TPD52: variants seen among roughly 807,000 people sequenced by gnomAD.
TPD52 encodes tumor protein D52.
In TPD52, 17 loss-of-function variants were observed where a neutral mutation model predicts 31.3. The ratio of observed to expected loss-of-function variants is 0.54; its 90% CI spans 0.37 to 0.82. TPD52 has a LOEUF of 0.82. Among genes scored for constraint, TPD52 ranks in the 40% least tolerant of loss-of-function variants. TPD52 has a pLI of 0.00. For missense variants in TPD52, 212 were observed against 240.1 expected (o/e 0.88, Z 0.77); for synonymous variants, 83 against 89.6 (o/e 0.93, Z 0.42).
At chr8:80,086,829 G>A (rs1210801754) in intron 1 of TPD52, among the ~76,000 whole-genome samples, 7 of 133,008 alleles carry the variant, frequency 5.3e-5, no homozygotes, top group African/African-American at 2.0e-4. Context: ...AGCTGAGATC[G>A]TGCCACTGCA....
intron 1 of TPD52, among the ~76,000 whole-genome samples, chr8:80,071,802 C>A (rs896284211): frequency 6.6e-6 from 1 of 152,164 alleles, no homozygotes; most frequent in African/African-American, 2.4e-5. Context: ...CCTGCCCCAA[C>A]AAAGAGCTTT....
intron 1 of TPD52, among the ~76,000 whole-genome samples, chr8:80,088,062 C>G (rs1368336361): frequency 1.3e-5 from 2 of 152,172 alleles, no homozygotes; most frequent in African/African-American, 4.8e-5. Context: ...TCCTGTAAAC[C>G]TGTCTTTGGG....
chr8:80,152,780 C>CAAAAAAAAAAAA (rs57456374), intron 1 of TPD52, among the ~76,000 whole-genome samples: 6,134 of 82,860 alleles, frequency 0.074, 867 homozygotes, highest in South Asian at 0.12. Flanking sequence ...GACTCCGTCT[C>CAAAAAAAAAAAA]AAAAAAAAAA....
intron 1 of TPD52, chr8:80,080,746 G>C: frequency 9.2e-7 from 1 of 1,082,478 alleles, no homozygotes; most frequent in Non-Finnish European, 1.1e-6. Flanking sequence ...TGGGCAGGGA[G>C]CGAGCTTTCC....
intron 1 of TPD52, among the ~76,000 whole-genome samples, chr8:80,106,617 A>G (rs1220183184): frequency 3.3e-5 from 5 of 151,470 alleles, no homozygotes; most frequent in Admixed American, 6.6e-5. Flanking sequence ...CGGCCTCCCA[A>G]AGTGCTGGGA....
chr8:80,049,711 G>A (rs1811179245), intron 5 of TPD52, among the ~76,000 whole-genome samples: 2 of 152,108 alleles, frequency 1.3e-5, no homozygotes, highest in Admixed American at 1.3e-4. Context: ...AGTCTGCCTG[G>A]GAAAGAGAAA....
At chr8:80,142,435 G>T (rs1809897797) in intron 1 of TPD52, among the ~76,000 whole-genome samples, 1 of 152,168 alleles carries the variant, frequency 6.6e-6, no homozygotes, top group African/African-American at 2.4e-5. Flanking sequence ...AATAAAGCAG[G>T]TCAGCAAAAA....
At chr8:80,095,041 A>G (rs917684542) in intron 1 of TPD52, among the ~76,000 whole-genome samples, 1 of 152,192 alleles carries the variant, frequency 6.6e-6, no homozygotes, top group African/African-American at 2.4e-5. Context: ...AAATGAGCTG[A>G]AAACTTATGA....
At chr8:80,069,826 T>C (rs1813571079) in intron 1 of TPD52, among the ~76,000 whole-genome samples, 1 of 152,048 alleles carries the variant, frequency 6.6e-6, no homozygotes, top group East Asian at 1.9e-4. Context: ...GAAGACAAAG[T>C]GGAAATGTGT....
intron 1 of TPD52, among the ~76,000 whole-genome samples, chr8:80,084,460 G>A (rs1172143520): frequency 6.6e-6 from 1 of 152,222 alleles, no homozygotes; most frequent in African/African-American, 2.4e-5. Context: ...GGTGGGGCTG[G>A]CAGCTCCTTC....
chr8:80,055,454 A>C (rs996643359), intron 2 of TPD52, among the ~76,000 whole-genome samples: 1 of 152,224 alleles, frequency 6.6e-6, no homozygotes, highest in African/African-American at 2.4e-5. Flanking sequence ...AAAACCATAA[A>C]ACTACTAGAA....
intron 1 of TPD52, among the ~76,000 whole-genome samples, chr8:80,090,358 C>T (rs1270415251): frequency 6.6e-6 from 1 of 152,130 alleles, no homozygotes; most frequent in Non-Finnish European, 1.5e-5. Flanking sequence ...TACGATGGTG[C>T]CACCTCTTTA....
intron 1 of TPD52, among the ~76,000 whole-genome samples, chr8:80,096,319 A>ACACACAC (rs1563622982): frequency 7.9e-5 from 11 of 139,350 alleles, no homozygotes; most frequent in African/African-American, 3.0e-4. Flanking sequence ...CACACACACA[A>ACACACAC]ACTTCTCCTA....
intron 1 of TPD52, among the ~76,000 whole-genome samples, chr8:80,090,747 A>G (rs531774264): frequency 9.3e-4 from 141 of 152,084 alleles, no homozygotes; most frequent in African/African-American, 3.3e-3. Context: ...CCTCTTCTCT[A>G]GAATAAAAAG....
intron 1 of TPD52, among the ~76,000 whole-genome samples, chr8:80,071,814 T>TA (rs1276832361): frequency 1.3e-5 from 2 of 152,150 alleles, no homozygotes. Flanking sequence ...AAGAGCTTTC[T>TA]AGAGTGCATA....
intron 1 of TPD52, among the ~76,000 whole-genome samples, chr8:80,120,802 G>A (rs1048035341): frequency 6.6e-6 from 1 of 152,140 alleles, no homozygotes; most frequent in South Asian, 2.1e-4. Context: ...AAATCAGACT[G>A]GACGGGGTGG....
chr8:80,045,537 A>C (rs919232603), intron 5 of TPD52, among the ~76,000 whole-genome samples: 1 of 152,232 alleles, frequency 6.6e-6, no homozygotes. Context: ...GTTGAAGAGG[A>C]TCTGGTGGGA....
intron 1 of TPD52, 130 bp downstream of exon 1, chr8:80,171,295 G>A (rs1455418687): frequency 8.2e-7 from 1 of 1,223,282 alleles, no homozygotes; most frequent in African/African-American, 1.5e-5. Flanking sequence ...GATGCAACTT[G>A]CGGCGCCGGC....
intron 1 of TPD52, among the ~76,000 whole-genome samples, chr8:80,102,169 G>A (rs1200975674): frequency 6.6e-6 from 1 of 152,228 alleles, no homozygotes; most frequent in African/African-American, 2.4e-5. Flanking sequence ...GCATGAGGGA[G>A]CAGCTTAGCT....
Sources: allele counts gnomAD v4.1 joint callset (sites outside exome capture counted in the v4.1 genomes callset), GRCh38; gene constraint gnomAD v4.1.1; transcripts MANE v1.5; gene names NCBI Gene and HGNC (gene_info 2026-07-23, HGNC 2026-07-21).